Variants in DST observed in about 807,000 individuals in gnomAD.
The protein encoded by DST is bullous pemphigoid antigen.
A neutral mutation model predicts 875.2 loss-of-function variants in DST; 253 were observed. That is an observed-to-expected ratio of 0.29 (90% CI 0.26 to 0.32). The LOEUF (loss-of-function observed/expected upper bound fraction) is 0.32, where lower values mean the gene tolerates loss of function less well. Among genes scored for constraint, DST ranks in the 10% least tolerant of loss-of-function variants. DST has a pLI of 1.00. For missense variants in DST, 8,287 were observed against 9,111.6 expected (o/e 0.91, Z 3.68); for synonymous variants, 3,124 against 3,197.1 (o/e 0.98, Z 0.77).
chr6:56,828,640 C>A (rs1179569411), intron 4 of DST, among the ~76,000 whole-genome samples: 1 of 152,178 alleles, frequency 6.6e-6, no homozygotes, highest in African/African-American at 2.4e-5. Context: ...AATCAGGAGA[C>A]CTTAGTTTAG....
At chr6:56,782,332 G>A (rs1197563806) in intron 4 of DST, among the ~76,000 whole-genome samples, 37 of 152,202 alleles carry the variant, frequency 2.4e-4, no homozygotes, top group Admixed American at 1.4e-3. Flanking sequence ...GGTAGAATTC[G>A]GCTGTGAATC....
intron 3 of DST, among the ~76,000 whole-genome samples, chr6:56,861,038 ACAC>A (rs1365233428): frequency 6.6e-6 from 1 of 151,958 alleles, no homozygotes; most frequent in Non-Finnish European, 1.5e-5. Flanking sequence ...TTCTCTATTG[ACAC>A]ATAAGCAAAG....
At chr6:56,849,632 T>G (rs1351775002) in intron 4 of DST, among the ~76,000 whole-genome samples, 3 of 152,208 alleles carry the variant, frequency 2.0e-5, no homozygotes, top group Non-Finnish European at 4.4e-5. Context: ...CTTCAATATC[T>G]TCCCCACCTG....
intron 9 of DST, among the ~76,000 whole-genome samples, chr6:56,685,146 A>G (rs1035579882): frequency 6.6e-6 from 1 of 152,190 alleles, no homozygotes; most frequent in Admixed American, 6.5e-5. Flanking sequence ...TTCCAGACCT[A>G]AGTAAACTAA....
In DST at chr6:56,501,613, T is replaced by A. The variant is rs901560811; in HGVS notation, c.19647A>T (p.Val6549=). ...NHQAELLLKK[V]TEESDKHTVQ... ...CAGTGTGTTTGTCACTCTCTTCTGT[T>A]ACTTTCTTTAGCAAAAGCTCTGCTT... is the stretch of plus-strand genomic sequence containing the variant. Residue 6549 remains valine (V), a synonymous_variant, in exon 79 of 104, where the codon GTA becomes GTT. Transcript: ENST00000680361. 4 of 1,609,264 alleles carry A rather than the reference T, an allele frequency of 2.5e-6. No individual in the cohort carries two copies.
chr6:56,507,640 A>C (rs953273118), intron 75 of DST, among the ~76,000 whole-genome samples: 2 of 152,224 alleles, frequency 1.3e-5, no homozygotes, highest in South Asian at 2.1e-4. Context: ...AGATGCGCAA[A>C]GGCACTGACG....
At chr6:56,596,509 C>A (rs2098389231) in intron 47 of DST, among the ~76,000 whole-genome samples, 1 of 152,206 alleles carries the variant, frequency 6.6e-6, no homozygotes, top group Non-Finnish European at 1.5e-5. Flanking sequence ...TTCTTTGTAA[C>A]TGACTCACAA....
chr6:56,492,372 G>A lies in DST; in HGVS notation c.20612C>T (p.Thr6871Ile), dbSNP rs2095778341. Reference protein sequence around the residue: ...EQIIELDKTGTHLKYFSQKQD... With the variant: ...EQIIELDKTGIHLKYFSQKQD... The stretch of plus-strand genomic sequence containing the variant: ...TTTCTGACTAAAATATTTTAGGTGG[G>A]TTCCAGTTTTGTCCAGCTCTATTAT... Residue 6871 changes from threonine (T) to isoleucine (I), a missense_variant, in exon 85 of 104, where the codon ACC (threonine) becomes ATC (isoleucine). Thr to Ile is a moderately conservative substitution (Grantham distance 89, BLOSUM62 -1). Transcript: ENST00000680361. 2.5e-6 allele frequency: 4 copies of A among 1,613,762 alleles called. No homozygotes were observed. The highest frequency in any genetic ancestry group is 3.4e-6 in the Non-Finnish European group (4 of 1,179,792).
chr6:56,934,560 T>TTGTATATATATATATATATATA (rs869186436), intron 2 of DST, among the ~76,000 whole-genome samples: 1 of 106,486 alleles, frequency 9.4e-6, no homozygotes, highest in Non-Finnish European at 1.9e-5. Context: ...ATATATTATA[T>TTGTATATATATATATATATATA]TATATATATA....
intron 3 of DST, chr6:56,871,586 T>C (rs184570877): frequency 1.6e-5 from 14 of 859,700 alleles, no homozygotes; most frequent in African/African-American, 1.5e-4. Context: ...CCTACAGAGC[T>C]CATGGTTGGA....
At position 56,642,705 on chromosome 6, in the gene DST, A is replaced by G. The variant is rs137865390; in HGVS notation, c.1779-202T>C. On this transcript the variant is annotated intron_variant, in intron 15 of 103. Coordinates refer to ENST00000680361, the MANE Select transcript of DST (RefSeq NM_001374736.1). ...CACAATGAACCAAGAGAAGATTTTC[A>G]TTTGAATCAAGACTGGTTCGAGTGC... The G allele has an allele frequency of 1.1e-3, 1,715 of 1,614,142 alleles. No homozygotes were observed. Among genetic ancestry groups the G allele is most frequent in the Non-Finnish European group, 1.4e-3 (1,615 of 1,179,986 alleles).
intron 3 of DST, chr6:56,864,128 A>G (rs1772773210): frequency 6.6e-6 from 1 of 152,216 alleles, no homozygotes; most frequent in Non-Finnish European, 1.5e-5. Context: ...AGCAAAGACC[A>G]TGGTTTCTCA....
intron 13 of DST, among the ~76,000 whole-genome samples, chr6:56,647,985 C>A (rs906872676): frequency 6.6e-6 from 1 of 152,174 alleles, no homozygotes; most frequent in African/African-American, 2.4e-5. Context: ...CGCACCCGGC[C>A]TATAATGGCT....
Position 56,617,985 on chromosome 6 carries a change from C to CCT in DST, c.4930-3503_4930-3502dup, listed in dbSNP as rs772013916. On this transcript the variant is annotated intron_variant, in intron 36 of 103. Coordinates refer to ENST00000680361, the MANE Select transcript of DST (RefSeq NM_001374736.1). The stretch of plus-strand genomic sequence containing the variant: ...ATAAGGTCTCAGAACACAGAGTATA[C>CCT]CTCTAAGGGTGTCAAAACCTTCACC... 7.1e-4 allele frequency: 1,141 copies of CCT among 1,612,024 alleles called. 2 individuals carry two copies. Among genetic ancestry groups the CCT allele is most frequent in the South Asian group, 1.5e-3 (136 of 91,032 alleles).
At position 56,610,486 on chromosome 6, in the gene DST, C is replaced by T; in HGVS notation, c.5224G>A (p.Glu1742Lys). 3.8e-6 allele frequency: 6 copies of T among 1,568,666 alleles called. No individual in the cohort carries two copies. The highest frequency in any genetic ancestry group is 5.2e-6 in the Non-Finnish European group (6 of 1,154,712). The change falls in exon 39 of 104, where the codon GAA (glutamate) becomes AAA (lysine). Residue 1742 changes from glutamate to lysine, a missense_variant. Coordinates refer to ENST00000680361, the MANE Select transcript of DST (RefSeq NM_001374736.1). ...GATTCTTGTAGCTGTTTCAGAGATTCACTGAATAATAAATTATAACTTTCC... is the reference window on the plus strand; with the variant it reads ...GATTCTTGTAGCTGTTTCAGAGATTTACTGAATAATAAATTATAACTTTCC... ...LQESYNLLFS[E>K]SLKQLQESQT...
chr6:56,469,234 G>A (rs1372394670), intron 97 of DST, among the ~76,000 whole-genome samples: 3 of 151,700 alleles, frequency 2.0e-5, no homozygotes, highest in Non-Finnish European at 4.4e-5. Context: ...TGAATACATT[G>A]ATGATTATTT....
rs373101813 is a variant in DST, at chr6:56,526,319, G to A, written c.18129+42C>T. The A allele has an allele frequency of 4.5e-4, 712 of 1,594,996 alleles. 2 individuals are homozygous for A. Among genetic ancestry groups the A allele is most frequent in the Middle Eastern group, 1.3e-3 (8 of 6,002 alleles). On this transcript the variant is annotated intron_variant, in intron 69 of 103. Coordinates refer to ENST00000680361, the MANE Select transcript of DST (RefSeq NM_001374736.1). Reference sequence around the variant, plus strand: ...TCAGGTAAAAGCTCCAAGAACAGCTGGAGAAAATTTATTGCCTAAACAACA... The same window carrying A: ...TCAGGTAAAAGCTCCAAGAACAGCTAGAGAAAATTTATTGCCTAAACAACA...
At chr6:56,911,075 A>T (rs892458329) in intron 2 of DST, among the ~76,000 whole-genome samples, 2 of 151,930 alleles carry the variant, frequency 1.3e-5, no homozygotes, top group Non-Finnish European at 1.5e-5. Flanking sequence ...GTAGCCTCAC[A>T]CCCCTCCAGT....
intron 32 of DST, among the ~76,000 whole-genome samples, chr6:56,628,485 T>TA (rs2098752162): frequency 6.6e-6 from 1 of 152,204 alleles, no homozygotes; most frequent in Non-Finnish European, 1.5e-5. Flanking sequence ...TCTTGAATAG[T>TA]AAGGCTTGCA....
Sources: gnomAD v4.1 joint callset for allele counts (sites outside exome capture counted in the v4.1 genomes callset) on GRCh38, gnomAD v4.1.1 for gene constraint, MANE v1.5 for transcripts, NCBI Gene and HGNC (gene_info 2026-07-23, HGNC 2026-07-21) for gene names.